RNF220: variants seen among roughly 807,000 people sequenced by gnomAD.
RNF220 encodes the protein ring finger protein 220, also known as E3 ubiquitin-protein ligase RNF220.
A neutral mutation model predicts 67.1 loss-of-function variants in RNF220; 7 were observed. The observed-to-expected ratio is 0.10, with a 90% CI of 0.06 to 0.20. RNF220 has a LOEUF of 0.20. Among genes scored for constraint, RNF220 ranks in the 10% least tolerant of loss-of-function variants. The pLI is 1.00. For missense variants in RNF220, 565 were observed against 740.3 expected (o/e 0.76, Z 2.75); for synonymous variants, 270 against 283.2 (o/e 0.95, Z 0.47).
Position 44,651,104 on chromosome 1 carries a change from C to T in RNF220, c.*329C>T, listed in dbSNP as rs556703679. On this transcript the variant is annotated 3_prime_UTR_variant, in exon 15 of 15. Coordinates refer to ENST00000361799, the MANE Select transcript of RNF220 (RefSeq NM_018150.4). ...AAGATCCAGCCCCCATACTGACAGA[C>T]GGACAGACAGACATGCAAACACCAG... is the stretch of plus-strand genomic sequence containing the variant. The T allele has an allele frequency of 3.7e-5, 15 of 400,360 alleles. No homozygotes were observed. Among genetic ancestry groups the T allele is most frequent in the South Asian group, 1.2e-4 (5 of 41,752 alleles). The allele number at this position is 400,360 out of a possible 1,614,324, so 24.8% of individuals were successfully genotyped here. A position where few individuals can be genotyped will look rare whatever the true frequency, so the allele number is the denominator to read the frequency against.
intron 2 of RNF220, among the ~76,000 whole-genome samples, chr1:44,434,701 A>G (rs1256233855): frequency 1.4e-5 from 2 of 141,934 alleles, no homozygotes; most frequent in Non-Finnish European, 3.1e-5. Flanking sequence ...TGGGCGACAG[A>G]GCGAGACTCT....
At chr1:44,414,223 T>C (rs555960097) in intron 2 of RNF220, among the ~76,000 whole-genome samples, 1 of 152,332 alleles carries the variant, frequency 6.6e-6, no homozygotes, top group South Asian at 2.1e-4. Context: ...TTGTGTTGGT[T>C]CATTTGATTT....
In RNF220 at chr1:44,525,805, G is replaced by A. The variant is rs1003565729; in HGVS notation, c.626-88360G>A. Among the ~76,000 whole-genome samples, 8 of 152,238 alleles carry A rather than the reference G, an allele frequency of 5.3e-5. No homozygotes were observed. The East Asian group carries it at 7.7e-4, about 15-fold the overall frequency. On this transcript the variant is annotated intron_variant, in intron 2 of 14. Transcript: ENST00000361799. ...CCTGCACTCCTACAGCAGATTCCATGGAAACACAGCCCCGCCCTCAGTCTG... is the reference window on the plus strand; with the variant it reads ...CCTGCACTCCTACAGCAGATTCCATAGAAACACAGCCCCGCCCTCAGTCTG...
intron 8 of RNF220, among the ~76,000 whole-genome samples, chr1:44,641,582 G>A (rs887053324): frequency 1.3e-5 from 2 of 152,218 alleles, no homozygotes; most frequent in Non-Finnish European, 1.5e-5. Context: ...CGGGAGGGGG[G>A]GCAAGCTGGC....
rs1032860317 is a variant in RNF220 at position 44,439,963 on chromosome 1, G to A, written c.625+27241G>A. On this transcript the variant is annotated intron_variant, in intron 2 of 14. Transcript: ENST00000361799. ...AAAAGGGAAACCTAACTGATCCAGGGACACAGGATATGCATCCTGGAGGAA... is the reference window on the plus strand; with the variant it reads ...AAAAGGGAAACCTAACTGATCCAGGAACACAGGATATGCATCCTGGAGGAA... Among the ~76,000 whole-genome samples the A allele has an allele frequency of 3.9e-5, 6 of 152,298 alleles. No homozygotes were observed. The South Asian group carries it at 1.2e-3, about 32-fold the overall frequency.
chr1:44,592,063 C>T (rs1026385658), intron 2 of RNF220, among the ~76,000 whole-genome samples: 4 of 151,996 alleles, frequency 2.6e-5, no homozygotes, highest in Non-Finnish European at 5.9e-5. Flanking sequence ...TGAGGGTGTT[C>T]CAGGACTAAG....
chr1:44,573,949 ACAAAAAATAC>A (rs1023624265), intron 2 of RNF220, among the ~76,000 whole-genome samples: 1 of 151,996 alleles, frequency 6.6e-6, no homozygotes, highest in Admixed American at 6.6e-5. Flanking sequence ...CCCCATCTCT[ACAAAAAATAC>A]CAAAAAATAT....
At chr1:44,439,398 A>G (rs952355753) in intron 2 of RNF220, among the ~76,000 whole-genome samples, 22 of 151,880 alleles carry the variant, frequency 1.4e-4, no homozygotes, top group African/African-American at 4.6e-4. Context: ...TTTCTAATTG[A>G]TTTTAAGAGC....
At chr1:44,528,013 G>A (rs1229213035) in intron 2 of RNF220, among the ~76,000 whole-genome samples, 1 of 149,638 alleles carries the variant, frequency 6.7e-6, no homozygotes, top group Non-Finnish European at 1.5e-5. Context: ...TAGTGTGAAT[G>A]CAATGAAGTC....
intron 2 of RNF220, among the ~76,000 whole-genome samples, chr1:44,560,203 C>T (rs764190013): frequency 3.3e-5 from 5 of 152,158 alleles, no homozygotes; most frequent in African/African-American, 7.2e-5. Flanking sequence ...GCCTGGCCCA[C>T]GGAAGGCTTC....
chr1:44,478,767 A>G (rs1655518150), intron 2 of RNF220, among the ~76,000 whole-genome samples: 1 of 152,146 alleles, frequency 6.6e-6, no homozygotes, highest in Admixed American at 6.5e-5. Flanking sequence ...TCGCCAGTCC[A>G]TAGCAGTTCT....
At chr1:44,490,492 A>G (rs1479031129) in intron 2 of RNF220, among the ~76,000 whole-genome samples, 1 of 151,950 alleles carries the variant, frequency 6.6e-6, no homozygotes, top group Non-Finnish European at 1.5e-5. Context: ...AAAAAAAAGA[A>G]ATAATAAGGT....
At chr1:44,503,333 C>CAAAAAAAAA in intron 2 of RNF220, among the ~76,000 whole-genome samples, 1 of 84,498 alleles carries the variant, frequency 1.2e-5, no homozygotes, top group Non-Finnish European at 2.2e-5. Flanking sequence ...GATGCTGTCT[C>CAAAAAAAAA]AAAAAAAAAA....
At chr1:44,604,474 G>T (rs1056367426) in intron 2 of RNF220, among the ~76,000 whole-genome samples, 2 of 152,270 alleles carry the variant, frequency 1.3e-5, no homozygotes, top group Non-Finnish European at 2.9e-5. Context: ...GGTCATGGGT[G>T]TGAAACAGCT....
intron 2 of RNF220, among the ~76,000 whole-genome samples, chr1:44,501,144 G>A (rs1173237666): frequency 6.7e-6 from 1 of 150,366 alleles, no homozygotes; most frequent in Non-Finnish European, 1.5e-5. Flanking sequence ...TGACACAAAG[G>A]GAGAGTCTTG....
At position 44,409,832 on chromosome 1, in the gene RNF220, C is replaced by T. The variant is rs567635634; in HGVS notation, c.-117-2149C>T. Among the ~76,000 whole-genome samples, 4 of 151,932 alleles carry T rather than the reference C, an allele frequency of 2.6e-5. No individual in the cohort carries two copies. In the East Asian group the frequency reaches 7.7e-4, roughly 29 times the overall value. On this transcript the variant is annotated intron_variant, in intron 1 of 14. Coordinates refer to ENST00000361799, the MANE Select transcript of RNF220 (RefSeq NM_018150.4). ...AGATTTTCATAATGACTGTGGTCAGCTGAAGCCTCATCTATACAAGTTGTT... is the reference window on the plus strand; with the variant it reads ...AGATTTTCATAATGACTGTGGTCAGTTGAAGCCTCATCTATACAAGTTGTT...
intron 2 of RNF220, among the ~76,000 whole-genome samples, chr1:44,503,333 C>CA (rs34103792): frequency 0.026 from 2,174 of 84,422 alleles, 102 homozygotes; most frequent in South Asian, 0.12. Flanking sequence ...GATGCTGTCT[C>CA]AAAAAAAAAA....
At chr1:44,568,588 T>C (rs1037178908) in intron 2 of RNF220, among the ~76,000 whole-genome samples, 17 of 152,334 alleles carry the variant, frequency 1.1e-4, no homozygotes, top group Non-Finnish European at 2.2e-4. Flanking sequence ...CTAGTCTAAC[T>C]CCTTTGCAGG....
At chr1:44,521,599 C>T (rs1300759400) in intron 2 of RNF220, among the ~76,000 whole-genome samples, 6 of 152,070 alleles carry the variant, frequency 3.9e-5, no homozygotes, top group Admixed American at 6.5e-5. Flanking sequence ...GGTGAGATAG[C>T]GTTTTCAGCA....
Sources: gnomAD v4.1 joint callset for allele counts (sites outside exome capture counted in the v4.1 genomes callset) on GRCh38, gnomAD v4.1.1 for gene constraint, MANE v1.5 for transcripts, NCBI Gene and HGNC (gene_info 2026-07-23, HGNC 2026-07-21) for gene names.